SETBP1: variants seen among roughly 807,000 people sequenced by gnomAD.
SETBP1 encodes the protein SET binding protein 1.
A neutral mutation model predicts 101.0 loss-of-function variants in SETBP1; 9 were observed. The ratio of observed to expected loss-of-function variants is 0.09; its 90% CI spans 0.05 to 0.16. SETBP1 has a LOEUF of 0.16. Among genes scored for constraint, SETBP1 ranks in the 10% least tolerant of loss-of-function variants. SETBP1 has a pLI of 1.00. For missense variants in SETBP1, 1,858 were observed against 2,033.8 expected, an observed-to-expected ratio of 0.91 and a Z score of 1.66; for synonymous variants, 818 against 788.5, an observed-to-expected ratio of 1.04 and a Z score of -0.63.
intron 5 of SETBP1, among the ~76,000 whole-genome samples, chr18:45,048,121 C>T (rs926880106): frequency 6.6e-6 from 1 of 152,200 alleles, no homozygotes; most frequent in Admixed American, 6.5e-5. Flanking sequence ...CACATTGAGG[C>T]AGAGTGGAAC....
At chr18:44,878,880 T>C (rs2069468835) in intron 3 of SETBP1, among the ~76,000 whole-genome samples, 1 of 152,176 alleles carries the variant, frequency 6.6e-6, no homozygotes, top group East Asian at 1.9e-4. Context: ...AGCTCTCACA[T>C]GGCTTTTTGC....
chr18:44,720,846 A>G (rs564465796), intron 2 of SETBP1, among the ~76,000 whole-genome samples: 2 of 152,086 alleles, frequency 1.3e-5, no homozygotes, highest in Non-Finnish European at 2.9e-5. Context: ...AGTAGGCCAG[A>G]TCAGACAGAT....
intron 4 of SETBP1, among the ~76,000 whole-genome samples, chr18:44,990,320 G>T (rs1370204767): frequency 1.3e-5 from 2 of 152,152 alleles, no homozygotes; most frequent in South Asian, 2.1e-4. Context: ...TTGGCCAGGG[G>T]CAGGAGCTCA....
intron 3 of SETBP1, among the ~76,000 whole-genome samples, chr18:44,872,832 C>T (rs1056869965): frequency 7.9e-5 from 12 of 152,200 alleles, no homozygotes; most frequent in Admixed American, 6.5e-5. Flanking sequence ...CATGCCCAGC[C>T]ACAGTGGTGG....
chr18:45,025,319 T>C (rs2073143354), intron 4 of SETBP1, among the ~76,000 whole-genome samples: 1 of 152,210 alleles, frequency 6.6e-6, no homozygotes, highest in South Asian at 2.1e-4. Flanking sequence ...TCAGGACATC[T>C]AGAAATTGAT....
intron 1 of SETBP1, among the ~76,000 whole-genome samples, chr18:44,699,358 G>A (rs551799359): frequency 1.2e-3 from 187 of 152,318 alleles, no homozygotes; most frequent in African/African-American, 4.3e-3. Flanking sequence ...AAGGTACATT[G>A]ATGTCTCCAA....
intron 3 of SETBP1, among the ~76,000 whole-genome samples, chr18:44,879,014 C>T (rs1353408719): frequency 6.6e-6 from 1 of 152,166 alleles, no homozygotes; most frequent in African/African-American, 2.4e-5. Context: ...GCCATGATTT[C>T]CTTTGTACAT....
chr18:45,005,692 G>C (rs992728525), intron 4 of SETBP1, among the ~76,000 whole-genome samples: 6 of 146,874 alleles, frequency 4.1e-5, no homozygotes, highest in Middle Eastern at 3.2e-3. Flanking sequence ...TGTCGCCCAG[G>C]CTGGAGTACA....
chr18:44,697,513 C>T (rs577285491), intron 1 of SETBP1, among the ~76,000 whole-genome samples: 93 of 152,294 alleles, frequency 6.1e-4, no homozygotes, highest in South Asian at 5.2e-3. Context: ...TTGAACTACA[C>T]GACTTTGAAT....
At chr18:44,804,558 C>A (rs569482558) in intron 2 of SETBP1, among the ~76,000 whole-genome samples, 9 of 152,162 alleles carry the variant, frequency 5.9e-5, no homozygotes, top group African/African-American at 1.9e-4. Flanking sequence ...TTTTCCCCTC[C>A]CTTTTAATGG....
intron 1 of SETBP1, among the ~76,000 whole-genome samples, chr18:44,681,230 C>T (rs139356290): frequency 3.2e-4 from 49 of 152,294 alleles, no homozygotes; most frequent in African/African-American, 1.2e-3. Context: ...CAGGCTTCCC[C>T]GTTCGGTGGT....
chr18:44,973,992 A>T (rs1222809491), intron 4 of SETBP1, among the ~76,000 whole-genome samples: 1 of 152,162 alleles, frequency 6.6e-6, no homozygotes, highest in Non-Finnish European at 1.5e-5. Context: ...TCCATTCCCT[A>T]ATTCATTGCT....
chr18:44,693,703 A>G (rs2068970437), intron 1 of SETBP1, among the ~76,000 whole-genome samples: 1 of 152,216 alleles, frequency 6.6e-6, no homozygotes, highest in Admixed American at 6.5e-5. Context: ...CTATAGGCCA[A>G]TGAGTCTAGG....
At chr18:44,688,248 A>T (rs186847728) in intron 1 of SETBP1, among the ~76,000 whole-genome samples, 6 of 152,270 alleles carry the variant, frequency 3.9e-5, no homozygotes, top group Admixed American at 2.6e-4. Context: ...TCTGCCAATG[A>T]TTTTCAGTTC....
chr18:45,047,245 G>A (rs1384621997), intron 5 of SETBP1, among the ~76,000 whole-genome samples: 3 of 152,160 alleles, frequency 2.0e-5, no homozygotes, highest in South Asian at 2.1e-4. Flanking sequence ...CCTCACACTC[G>A]GAAAAGAAAA....
intron 4 of SETBP1, among the ~76,000 whole-genome samples, chr18:44,979,743 T>C (rs1460662267): frequency 6.6e-6 from 1 of 152,172 alleles, no homozygotes; most frequent in African/African-American, 2.4e-5. Flanking sequence ...AGAAACGAAA[T>C]ATGGTCAAGG....
chr18:44,683,451 A>G (rs2068791039), intron 1 of SETBP1, among the ~76,000 whole-genome samples: 1 of 152,224 alleles, frequency 6.6e-6, no homozygotes, highest in African/African-American at 2.4e-5. Flanking sequence ...TGAAGAAGAA[A>G]TAAATAGGTA....
intron 2 of SETBP1, among the ~76,000 whole-genome samples, chr18:44,805,207 A>G (rs899927596): frequency 6.6e-6 from 1 of 152,202 alleles, no homozygotes; most frequent in African/African-American, 2.4e-5. Flanking sequence ...AGAAGACTTT[A>G]AAGATGAGAA....
chr18:44,952,714 T>A lies in SETBP1; in HGVS notation c.3374T>A (p.Leu1125His). 1.9e-6 allele frequency: 3 copies of A among 1,614,078 alleles called. No homozygotes were observed. Among genetic ancestry groups the A allele is most frequent in the Non-Finnish European group, 2.5e-6 (3 of 1,180,022 alleles). ...VHLQGPVSMG[L>H]GDMQPSLNPP... is the part of the protein sequence containing the mutation. Reference sequence around the variant, plus strand: ...CTGCAGGGACCTGTTAGCATGGGCCTTGGTGACATGCAGCCTTCTCTGAAC... The same window carrying A: ...CTGCAGGGACCTGTTAGCATGGGCCATGGTGACATGCAGCCTTCTCTGAAC... The change falls in exon 4 of 6, where the codon CTT becomes CAT. Residue 1125 changes from leucine (L) to histidine (H), a missense_variant. By Grantham distance (99) the Leu-to-His change is moderately conservative. Coordinates refer to ENST00000649279, the MANE Select transcript of SETBP1 (RefSeq NM_015559.3).
Sources: allele counts gnomAD v4.1 joint callset (sites outside exome capture counted in the v4.1 genomes callset), GRCh38; gene constraint gnomAD v4.1.1; transcripts MANE v1.5; gene names NCBI Gene and HGNC (gene_info 2026-07-23, HGNC 2026-07-21).